The following GJB1 variants were observed in gnomAD, a reference collection of about 807,000 sequenced individuals.
The protein encoded by GJB1 is gap junction beta-1 protein.
Under a neutral mutation model 12.0 loss-of-function variants are expected in GJB1, and 1 was observed. That is an observed-to-expected ratio of 0.08 (90% CI 0.03 to 0.40). The LOEUF is 0.40. Ranked by LOEUF, GJB1 falls within the 10% of genes least tolerant of loss-of-function variation. The pLI, the probability that GJB1 is intolerant of heterozygous loss-of-function variation, is 0.98. For missense variants in GJB1, 140 were observed against 250.3 expected (o/e 0.56, Z 2.97); for synonymous variants, 114 against 102.8 (o/e 1.11, Z -0.66).
rs1173034334 is a variant in GJB1, at chrX:71,223,872, A to G, written c.165A>G (p.Thr55=). Residue 55 remains threonine (T), a synonymous_variant, in exon 2 of 2, where the codon ACA becomes ACG. Coordinates refer to ENST00000361726, the MANE Select transcript of GJB1 (RefSeq NM_000166.6). ...AGAAATCTTCCTTCATCTGCAACAC[A>G]CTCCAGCCTGGCTGCAACAGCGTTT... ...GDEKSSFICN[T]LQPGCNSVCY... The G allele has an allele frequency of 4.1e-6, 5 of 1,209,742 alleles. No individual in the cohort carries two copies. In the South Asian group the frequency reaches 5.3e-5, roughly 13 times the overall value.
intron 1 of GJB1, chrX:71,218,012 C>G (rs2092528702): frequency 8.9e-6 from 1 of 112,118 alleles, no homozygotes; most frequent in East Asian, 2.8e-4. Context: ...AAGAGCTGGG[C>G]CAGGCACAGT....
rs1369792450 is a variant in GJB1, at chrX:71,224,664, G to T, written c.*105G>T. 10 of 729,758 alleles carry T rather than the reference G, an allele frequency of 1.4e-5. No homozygotes were observed. The East Asian group carries it at 3.5e-4, about 26-fold the overall frequency. The allele number at this position is 729,758 out of a possible 1,213,427, so 60.1% of individuals were successfully genotyped here. A position where few individuals can be genotyped will look rare whatever the true frequency, so the allele number is the denominator to read the frequency against. ...GGCCTCTGCCTGCTGGGGATTACTCGATCAAAACCTTCCTTCCCTGGCTAC... is the reference window on the plus strand; with the variant it reads ...GGCCTCTGCCTGCTGGGGATTACTCTATCAAAACCTTCCTTCCCTGGCTAC... On this transcript the variant is annotated 3_prime_UTR_variant, in exon 2 of 2. Transcript: ENST00000361726.
At chrX:71,220,476 TTTTGTTTG>T (rs58936467), upstream of GJB1, among the ~76,000 whole-genome samples, 2,329 of 95,159 alleles carry the variant, frequency 0.024, 40 homozygotes, top group Admixed American at 0.074. Flanking sequence ...CTGGCCTAGG[TTTTGTTTG>T]TTTGTTTGTT....
chrX:71,218,988 T>C (rs1168509319), upstream of GJB1, among the ~76,000 whole-genome samples: 1 of 110,416 alleles, frequency 9.1e-6, no homozygotes, highest in Non-Finnish European at 1.9e-5. Flanking sequence ...TCCTTTCACC[T>C]TTCTTTGCCT....
Position 71,224,238 on chromosome X carries a change from G to A in GJB1, c.531G>A (p.Val177=). 1 of 1,206,058 alleles carries A rather than the reference G, an allele frequency of 8.3e-7. No homozygotes were observed. The highest frequency in any genetic ancestry group is 1.8e-5 in the South Asian group (1 of 56,559). The change falls in exon 2 of 2, where the codon GTG becomes GTA. Residue 177 remains valine, a synonymous_variant. Coordinates refer to ENST00000361726, the MANE Select transcript of GJB1 (RefSeq NM_000166.6). ...KCDVYPCPNT[V]DCFVSRPTEK... ...ACGTCTACCCCTGCCCCAACACAGT[G>A]GACTGCTTCGTGTCCCGCCCCACCG...
intron 1 of GJB1, among the ~76,000 whole-genome samples, chrX:71,216,117 C>T (rs1195571430): frequency 1.8e-5 from 2 of 110,505 alleles, no homozygotes; most frequent in Non-Finnish European, 3.8e-5. Flanking sequence ...GTGATCTGCC[C>T]GCTTCGGCCT....
chrX:71,219,891 G>C (rs1327029704), upstream of GJB1, among the ~76,000 whole-genome samples: 1 of 98,806 alleles, frequency 1.0e-5, no homozygotes, highest in Non-Finnish European at 2.0e-5. Flanking sequence ...CGCCCAGCCT[G>C]GAGTGCAGTG....
chrX:71,219,790 A>T (rs1360906673), upstream of GJB1, among the ~76,000 whole-genome samples: 3 of 100,131 alleles, frequency 3.0e-5, no homozygotes, highest in Non-Finnish European at 4.0e-5. Context: ...AAAAAAAAAA[A>T]AAAAAGAATA....
chrX:71,218,656 G>A (rs1227378383), upstream of GJB1, among the ~76,000 whole-genome samples: 2 of 110,012 alleles, frequency 1.8e-5, no homozygotes, highest in Non-Finnish European at 3.8e-5. Context: ...GGCCGAGGCG[G>A]GCGGATCACG....
chrX:71,221,274 G>T (rs2092537486), upstream of GJB1, among the ~76,000 whole-genome samples: 1 of 111,757 alleles, frequency 8.9e-6, no homozygotes, highest in Admixed American at 9.6e-5. Context: ...GGCACCCATA[G>T]CCCTGCTTCC....
chrX:71,218,631 T>C (rs1013390091), upstream of GJB1, among the ~76,000 whole-genome samples: 6 of 108,476 alleles, frequency 5.5e-5, no homozygotes, highest in East Asian at 2.9e-4. Flanking sequence ...CGCCTGTAAT[T>C]CCAGCACTTT....
At chrX:71,223,179 T>G (rs1003232768), upstream of GJB1, 1 of 155,870 alleles carries the variant, frequency 6.4e-6, no homozygotes, top group Non-Finnish European at 1.3e-5. Context: ...AAAGGTCTCA[T>G]TGTGCAGACA....
Position 71,224,323 on chromosome X carries a change from G to T in GJB1, c.616G>T (p.Val206Leu). ...CTCTGGCATCTGCATCATCCTCAATGTGGCCGAGGTGGTGTACCTCATCAT... is the reference window on the plus strand; with the variant it reads ...CTCTGGCATCTGCATCATCCTCAATTTGGCCGAGGTGGTGTACCTCATCAT... ...AASGICIILN[V>L]AEVVYLIIRA... Residue 206 changes from valine to leucine, a missense_variant, in exon 2 of 2, where the codon GTG becomes TTG. By Grantham distance (32) the Val-to-Leu change is conservative. This residue lies in a region of GJB1 where 75 missense variants were observed against 78.8 expected (regional missense o/e 0.95). Transcript: ENST00000361726. 8.3e-7 allele frequency: 1 copy of T among 1,208,577 alleles called. No individual in the cohort carries two copies. The highest frequency in any genetic ancestry group is 1.7e-5 in the African/African-American group (1 of 57,241).
upstream of GJB1, among the ~76,000 whole-genome samples, chrX:71,220,100 C>G (rs906727918): frequency 3.9e-5 from 4 of 102,740 alleles, no homozygotes; most frequent in African/African-American, 1.5e-4. Flanking sequence ...GCCTCTGCCT[C>G]CCAAAGTGCT....
At position 71,224,630 on chromosome X, in the gene GJB1, C is replaced by T. The variant is rs2092547366; in HGVS notation, c.*71C>T. On this transcript the variant is annotated 3_prime_UTR_variant, in exon 2 of 2. Coordinates refer to ENST00000361726, the MANE Select transcript of GJB1 (RefSeq NM_000166.6). Reference sequence around the variant, plus strand: ...GGGCGAGCCCCTCCTTCTCCCCTGCCGGTGCACAGGCCTCTGCCTGCTGGG... The same window carrying T: ...GGGCGAGCCCCTCCTTCTCCCCTGCTGGTGCACAGGCCTCTGCCTGCTGGG... 17 of 896,114 alleles carry T rather than the reference C, an allele frequency of 1.9e-5. No homozygotes were observed. The highest frequency in any genetic ancestry group is 3.4e-5 in the East Asian group (1 of 29,426). 73.8% of individuals were successfully genotyped at this position (896,114 alleles called of 1,213,427 possible). A position where few individuals can be genotyped will look rare whatever the true frequency, so the allele number is the denominator to read the frequency against.
rs2092548273 is a variant in GJB1, at chrX:71,225,183, A to G, written c.*624A>G. 8.0e-6 allele frequency: 1 copy of G among 125,313 alleles called. No homozygotes were observed. Among genetic ancestry groups the G allele is most frequent in the African/African-American group, 3.2e-5 (1 of 30,798 alleles). The allele number at this position is 125,313 out of a possible 1,213,427, so 10.3% of individuals were successfully genotyped here. On this transcript the variant is annotated 3_prime_UTR_variant, in exon 2 of 2. Transcript: ENST00000361726. ...CTGCCTGAAATGTTACACATTAAAC[A>G]GGATTTTACAGTAAATGAAGAGGTG...
chrX:71,220,451 C>T (rs1004168767), upstream of GJB1, among the ~76,000 whole-genome samples: 7 of 107,605 alleles, frequency 6.5e-5, no homozygotes, highest in Non-Finnish European at 1.1e-4. Context: ...GGATTCGAGG[C>T]GTGAGCCACT....
chrX:71,224,748 A>G lies in GJB1; in HGVS notation c.*189A>G, dbSNP rs2092547593. On this transcript the variant is annotated 3_prime_UTR_variant, in exon 2 of 2. Transcript: ENST00000361726. ...CTGGAGGGGTGGGGAGCTAGAGGCC[A>G]CCTATGCCAGTGCTCAAGGTTACTG... The G allele has an allele frequency of 4.2e-6, 2 of 476,560 alleles. No individual in the cohort carries two copies. Among genetic ancestry groups the G allele is most frequent in the Admixed American group, 3.4e-5 (1 of 29,574 alleles). 39.3% of individuals were successfully genotyped at this position (476,560 alleles called of 1,213,427 possible).
intron 1 of GJB1, among the ~76,000 whole-genome samples, chrX:71,216,915 T>C (rs2092526704): frequency 9.0e-6 from 1 of 111,571 alleles, no homozygotes; most frequent in Non-Finnish European, 1.9e-5. Flanking sequence ...GAAAGCCCCA[T>C]GTCCCTTCCT....
Sources: allele counts gnomAD v4.1 joint callset (sites outside exome capture counted in the v4.1 genomes callset), GRCh38; gene constraint gnomAD v4.1.1; regional missense constraint gnomAD v4.1.1; transcripts MANE v1.5; gene names NCBI Gene and HGNC (gene_info 2026-07-23, HGNC 2026-07-21).